Variants in SVOPL observed in about 807,000 individuals in gnomAD.
SVOPL encodes SVOP like.
A neutral mutation model predicts 61.0 loss-of-function variants in SVOPL; 60 were observed. The ratio of observed to expected loss-of-function variants is 0.98; its 90% CI spans 0.80 to 1.22. SVOPL has a LOEUF of 1.22. Ranked by LOEUF, SVOPL falls within the 50% of genes most tolerant of loss-of-function variation. SVOPL has a pLI of 0.00. For synonymous variants in SVOPL, 279 were observed against 250.0 expected (o/e 1.12, Z -1.09); for missense variants, 662 against 643.9 (o/e 1.03, Z -0.30).
intron 14 of SVOPL, among the ~76,000 whole-genome samples, chr7:138,620,511 C>T (rs1014262400): frequency 4.5e-4 from 68 of 151,300 alleles, no homozygotes; most frequent in Admixed American, 8.6e-4. Flanking sequence ...TGAGGAACCA[C>T]GACCCCCAGG....
intron 4 of SVOPL, among the ~76,000 whole-genome samples, chr7:138,667,796 C>A (rs1802306230): frequency 6.6e-6 from 1 of 152,202 alleles, no homozygotes; most frequent in Non-Finnish European, 1.5e-5. Flanking sequence ...CTAACCAACT[C>A]CATCTTGCTT....
At chr7:138,605,640 CAAAAAAA>C (rs1159063438) in intron 14 of SVOPL, among the ~76,000 whole-genome samples, 4 of 84,288 alleles carry the variant, frequency 4.7e-5, no homozygotes, top group South Asian at 4.0e-4. Flanking sequence ...CTAACCTGGG[CAAAAAAA>C]AAAAAAAAAA....
At chr7:138,672,656 T>TAAAAAAAAAA (rs35593361) in intron 3 of SVOPL, among the ~76,000 whole-genome samples, 2 of 118,832 alleles carry the variant, frequency 1.7e-5, no homozygotes, top group African/African-American at 6.7e-5. Context: ...TTTTTGTGTT[T>TAAAAAAAAAA]AAAAAAAAAA....
At position 138,615,411 on chromosome 7, in the gene SVOPL, G is replaced by T. The variant is rs575822096; in HGVS notation, c.1353+5635C>A. Among the ~76,000 whole-genome samples, 346 of 152,162 alleles carry T rather than the reference G, an allele frequency of 2.3e-3. 2 individuals carry two copies. The highest frequency in any genetic ancestry group is 0.014 in the Middle Eastern group (4 of 294). ...TCTCTACTAAAAATACAAAAAATTA[G>T]CCGGGCGTGGTGGCGGGCGCCTGTA... On this transcript the variant is annotated intron_variant, in intron 14 of 15. Transcript: ENST00000674285.
At chr7:138,696,713 C>T (rs1429947696) in intron 1 of SVOPL, among the ~76,000 whole-genome samples, 1 of 152,084 alleles carries the variant, frequency 6.6e-6, no homozygotes, top group Non-Finnish European at 1.5e-5. Flanking sequence ...CGTGAGCCAC[C>T]GCACCCTGGT....
chr7:138,696,914 A>T (rs1201125002), intron 1 of SVOPL, among the ~76,000 whole-genome samples: 3 of 152,076 alleles, frequency 2.0e-5, no homozygotes, highest in Non-Finnish European at 2.9e-5. Context: ...GCTCTCCATT[A>T]CTGGCCATGA....
At chr7:138,697,719 A>G (rs1803099715) in intron 1 of SVOPL, among the ~76,000 whole-genome samples, 1 of 150,798 alleles carries the variant, frequency 6.6e-6, no homozygotes, top group South Asian at 2.1e-4. Flanking sequence ...AAGAAGAGGA[A>G]GAGGAAGAGG....
intron 4 of SVOPL, 22 bp downstream of exon 4, chr7:138,671,997 G>A (rs1041085058): frequency 7.1e-6 from 11 of 1,549,754 alleles, no homozygotes; most frequent in African/African-American, 2.7e-5. Context: ...CTGTGTTCAC[G>A]GCACAGGGAG....
rs1014565562 is a variant in SVOPL at position 138,625,676 on chromosome 7, A to G, written c.1263+293T>C. The stretch of plus-strand genomic sequence containing the variant: ...AAAGGAAATTCTACATTTGAATGCA[A>G]CATGTTGCTACCTATTACTTCTGGA... On this transcript the variant is annotated intron_variant, in intron 13 of 15. Transcript: ENST00000674285. 4.6e-5 allele frequency among the ~76,000 whole-genome samples: 7 copies of G among 152,364 alleles called. No individual in the cohort carries two copies. In the South Asian group the frequency reaches 6.2e-4, roughly 14 times the overall value.
At chr7:138,664,335 C>G in intron 4 of SVOPL, 1 of 723,702 alleles carries the variant, frequency 1.4e-6, no homozygotes, top group South Asian at 6.2e-5. Flanking sequence ...GGACACACCC[C>G]TGGCCCTCCA....
chr7:138,607,940 A>G (rs1798827712), intron 14 of SVOPL, among the ~76,000 whole-genome samples: 1 of 152,250 alleles, frequency 6.6e-6, no homozygotes, highest in Admixed American at 6.5e-5. Flanking sequence ...AAAAAAATCA[A>G]TAGCCTTCTA....
intron 7 of SVOPL, among the ~76,000 whole-genome samples, chr7:138,650,429 G>A (rs1026226413): frequency 6.6e-6 from 1 of 151,960 alleles, no homozygotes; most frequent in African/African-American, 2.4e-5. Context: ...TGAATATCTT[G>A]TATTGAGGAG....
chr7:138,656,002 AAAG>A (rs1361608125), intron 7 of SVOPL, among the ~76,000 whole-genome samples: 2 of 152,188 alleles, frequency 1.3e-5, no homozygotes, highest in African/African-American at 2.4e-5. Context: ...TCTTTCAGGA[AAAG>A]AAGAAGTCCA....
At chr7:138,597,016 G>C in intron 14 of SVOPL, 1 of 1,153,966 alleles carries the variant, frequency 8.7e-7, no homozygotes, top group Non-Finnish European at 1.1e-6. Flanking sequence ...AATGTGTCTT[G>C]TCTCCGGTTA....
At chr7:138,615,560 C>CAAAAAAAAAAAAA (rs770404185) in intron 14 of SVOPL, among the ~76,000 whole-genome samples, 105 of 5,536 alleles carry the variant, frequency 0.019, 17 homozygotes, top group African/African-American at 0.034. Context: ...ACTCCGTCTC[C>CAAAAAAAAAAAAA]AAAAAAAAAA....
chr7:138,621,794 CTATCTATG>C (rs1330405556), intron 13 of SVOPL, among the ~76,000 whole-genome samples: 17 of 135,116 alleles, frequency 1.3e-4, no homozygotes, highest in African/African-American at 3.0e-4. Flanking sequence ...ATCTATCTAT[CTATCTATG>C]TATCTATCTA....
At chr7:138,669,777 T>C (rs549326114) in intron 4 of SVOPL, among the ~76,000 whole-genome samples, 2 of 152,372 alleles carry the variant, frequency 1.3e-5, no homozygotes, top group South Asian at 4.1e-4. Flanking sequence ...TGGTAATCAC[T>C]CTTGTGATTC....
chr7:138,677,834 C>G (rs1802606750), intron 3 of SVOPL, among the ~76,000 whole-genome samples: 2 of 149,950 alleles, frequency 1.3e-5, no homozygotes, highest in African/African-American at 4.9e-5. Flanking sequence ...GCGATCTCAG[C>G]TCACTGCAAC....
chr7:138,643,477 G>A lies in SVOPL; in HGVS notation c.789+1240C>T, dbSNP rs191830170. Among the ~76,000 whole-genome samples the A allele has an allele frequency of 1.9e-3, 284 of 150,102 alleles. 1 individual carries two copies. The highest frequency in any genetic ancestry group is 3.5e-3 in the Non-Finnish European group (238 of 67,774). Reference sequence around the variant, plus strand: ...GCCTTGAAGAGCTACCTGGTCACCCGTGTTCATAGTAGCATCAGTCAATAG... The same window carrying A: ...GCCTTGAAGAGCTACCTGGTCACCCATGTTCATAGTAGCATCAGTCAATAG... On this transcript the variant is annotated intron_variant, in intron 9 of 15. Coordinates refer to ENST00000674285, the MANE Select transcript of SVOPL (RefSeq NM_001139456.2).
Sources: allele counts gnomAD v4.1 joint callset (sites outside exome capture counted in the v4.1 genomes callset), GRCh38; gene constraint gnomAD v4.1.1; transcripts MANE v1.5; gene names NCBI Gene and HGNC (gene_info 2026-07-23, HGNC 2026-07-21).